GLIS3: variants seen among roughly 807,000 people sequenced by gnomAD.
GLIS3 encodes GLIS family zinc finger 3.
A neutral mutation model predicts 78.6 loss-of-function variants in GLIS3; 53 were observed. That is an observed-to-expected ratio of 0.67 (90% CI 0.54 to 0.85). GLIS3 has a LOEUF of 0.85. Ranked by LOEUF, GLIS3 falls within the 40% of genes least tolerant of loss-of-function variation. GLIS3 has a pLI of 0.00. For missense variants in GLIS3, 1,703 were observed against 1,231.1 expected, an observed-to-expected ratio of 1.38 and a Z score of -5.74; for synonymous variants, 684 against 509.9, an observed-to-expected ratio of 1.34 and a Z score of -4.60.
chr9:4,465,794 CT>C, the GLIS3 span, among the ~76,000 whole-genome samples: 3 of 152,158 alleles, frequency 2.0e-5, no homozygotes, highest in Admixed American at 1.3e-4. Flanking sequence ...ATTTCTGCCT[CT>C]GGCTCTAACT....
the GLIS3 span, among the ~76,000 whole-genome samples, chr9:4,381,406 G>C: frequency 3.3e-4 from 50 of 152,244 alleles, no homozygotes; most frequent in South Asian, 1.0e-2. Flanking sequence ...ATTATCTTTG[G>C]ATCCCCAGAG....
the GLIS3 span, among the ~76,000 whole-genome samples, chr9:4,379,918 C>G: frequency 1.3e-4 from 20 of 151,296 alleles, no homozygotes; most frequent in Non-Finnish European, 2.7e-4. Flanking sequence ...GCATAGACAT[C>G]AAACCAAAAA....
intron 2 of GLIS3, among the ~76,000 whole-genome samples, chr9:4,188,034 T>G (rs1479651255): frequency 1.3e-5 from 2 of 152,120 alleles, no homozygotes; most frequent in Non-Finnish European, 2.9e-5. Flanking sequence ...CAACACTATG[T>G]TGAATAGGAG....
intron 2 of GLIS3, among the ~76,000 whole-genome samples, chr9:4,283,006 C>T (rs940238927): frequency 1.3e-4 from 19 of 151,964 alleles, no homozygotes; most frequent in African/African-American, 4.6e-4. Flanking sequence ...AGGATTTCTT[C>T]CCTCCAAGTT....
intron 6 of GLIS3, among the ~76,000 whole-genome samples, chr9:3,919,180 C>G (rs913901964): frequency 1.3e-5 from 2 of 152,078 alleles, no homozygotes; most frequent in Admixed American, 1.3e-4. Flanking sequence ...CTAACAGAGG[C>G]CACTATAGAA....
the GLIS3 span, among the ~76,000 whole-genome samples, chr9:4,407,441 C>G: frequency 2.6e-5 from 4 of 152,134 alleles, no homozygotes; most frequent in Admixed American, 6.5e-5. Context: ...GTCAGGAGAT[C>G]GAGACCATCC....
intron 2 of GLIS3, among the ~76,000 whole-genome samples, chr9:4,274,540 A>G (rs891626214): frequency 1.3e-5 from 2 of 152,170 alleles, no homozygotes; most frequent in African/African-American, 4.8e-5. Context: ...AGAGGGTGGC[A>G]ATGAATATTG....
intron 2 of GLIS3, among the ~76,000 whole-genome samples, chr9:4,342,308 C>T (rs12347956): frequency 2.6e-4 from 40 of 152,266 alleles, no homozygotes; most frequent in African/African-American, 5.8e-4. Flanking sequence ...CTTCTGCACG[C>T]GGCTAGCCAG....
intron 4 of GLIS3, among the ~76,000 whole-genome samples, chr9:4,074,381 A>G (rs1417562980): frequency 1.3e-5 from 2 of 152,062 alleles, no homozygotes; most frequent in African/African-American, 2.4e-5. Context: ...TGTGGCTCAT[A>G]TATCTGTAAA....
chr9:4,092,524 CTTTTAAAAATT>C (rs1329026495), intron 4 of GLIS3, among the ~76,000 whole-genome samples: 1 of 152,156 alleles, frequency 6.6e-6, no homozygotes, highest in African/African-American at 2.4e-5. Flanking sequence ...ATTGCATAAG[CTTTTAAAAATT>C]TTTTTAAACT....
chr9:4,038,415 T>C (rs1263843523), intron 4 of GLIS3, among the ~76,000 whole-genome samples: 5 of 152,222 alleles, frequency 3.3e-5, no homozygotes, highest in Non-Finnish European at 7.3e-5. Flanking sequence ...ATCAAGATGA[T>C]AAAGGCCATT....
chr9:4,428,797 G>T, the GLIS3 span, among the ~76,000 whole-genome samples: 1 of 152,036 alleles, frequency 6.6e-6, no homozygotes, highest in African/African-American at 2.4e-5. Flanking sequence ...TGTTGCAAAG[G>T]CACTTTTAGC....
chr9:4,282,945 T>C (rs1827683098), intron 2 of GLIS3, among the ~76,000 whole-genome samples: 1 of 152,108 alleles, frequency 6.6e-6, no homozygotes. Flanking sequence ...TTACCACTGT[T>C]TTCTGTACCC....
At chr9:4,177,931 G>A (rs1003401243) in intron 2 of GLIS3, among the ~76,000 whole-genome samples, 2 of 152,190 alleles carry the variant, frequency 1.3e-5, no homozygotes, top group Non-Finnish European at 2.9e-5. Flanking sequence ...GTTCCTGGAT[G>A]AGATGAATCC....
intron 8 of GLIS3, chr9:3,875,438 T>C (rs1335285963): frequency 1.3e-5 from 2 of 152,126 alleles, no homozygotes; most frequent in East Asian, 3.8e-4. Context: ...AGCCCATTTT[T>C]TTTAGCATGT....
upstream of GLIS3, among the ~76,000 whole-genome samples, chr9:4,349,726 A>C (rs914578826): frequency 2.6e-5 from 4 of 152,220 alleles, no homozygotes; most frequent in African/African-American, 9.6e-5. Context: ...AGACAGAAAA[A>C]AAAATACTTT....
intron 2 of GLIS3, among the ~76,000 whole-genome samples, chr9:4,175,249 A>G (rs1359179153): frequency 6.6e-6 from 1 of 152,232 alleles, no homozygotes; most frequent in Non-Finnish European, 1.5e-5. Context: ...GGTAATATCA[A>G]AATCTGTTGA....
the GLIS3 span, among the ~76,000 whole-genome samples, chr9:4,387,439 C>T: frequency 5.3e-3 from 806 of 152,280 alleles, 5 homozygotes; most frequent in African/African-American, 0.018. Flanking sequence ...ACGGTGTCCT[C>T]ACGGTTGCAC....
intron 4 of GLIS3, among the ~76,000 whole-genome samples, chr9:4,001,207 G>A (rs117844905): frequency 0.021 from 3,128 of 152,044 alleles, 44 homozygotes; most frequent in Non-Finnish European, 0.031. Flanking sequence ...TATATCTGAC[G>A]AATAAATGAA....
Sources: gnomAD v4.1 joint callset for allele counts (sites outside exome capture counted in the v4.1 genomes callset) on GRCh38, gnomAD v4.1.1 for gene constraint, MANE v1.5 for transcripts, NCBI Gene and HGNC (gene_info 2026-07-23, HGNC 2026-07-21) for gene names.